The following CDH26 variants were observed in gnomAD, a reference collection of about 807,000 sequenced individuals.
CDH26 encodes cadherin 26, also known as cadherin-like protein 26.
A neutral mutation model predicts 90.3 loss-of-function variants in CDH26; 83 were observed. The observed-to-expected ratio is 0.92, with a 90% confidence interval of 0.77 to 1.10. The LOEUF (loss-of-function observed/expected upper bound fraction) is 1.10. Among genes scored for constraint, CDH26 ranks in the 50% least tolerant of loss-of-function variants. The probability of loss-of-function intolerance (pLI) is 0.00; values close to 1 mark genes in which losing one functional copy is unlikely to be tolerated. For missense variants in CDH26, 1,013 were observed against 1,037.6 expected, an observed-to-expected ratio of 0.98 and a Z score of 0.33; for synonymous variants, 397 against 396.3, an observed-to-expected ratio of 1.00 and a Z score of -0.02.
In CDH26 at chr20:59,967,861, CTT is replaced by C. The variant is rs1206721737; in HGVS notation, c.70-1104_70-1103del. On this transcript the variant is annotated intron_variant, in intron 1 of 17. Coordinates refer to ENST00000348616, the MANE Select transcript of CDH26 (RefSeq NM_177980.4). ...TCTTTCTTTCTTTCTTTCTTTCTTT[CTT>C]TCTTTCTTTCTTTCTTCCTTCCTTC... Among the ~76,000 whole-genome samples the C allele has an allele frequency of 2.6e-4, 28 of 108,180 alleles. 1 individual carries two copies. The highest frequency in any genetic ancestry group is 1.4e-3 in the African/African-American group (28 of 19,990). 71.0% of individuals were successfully genotyped at this position (108,180 alleles called of 152,430 possible). A position where few individuals can be genotyped will look rare whatever the true frequency, so the allele number is the denominator to read the frequency against.
chr20:60,021,897 C>CACACACACACATATAT (rs1295572684), intron 7 of CDH26, among the ~76,000 whole-genome samples: 1 of 78,938 alleles, frequency 1.3e-5, no homozygotes, highest in Non-Finnish European at 3.0e-5. Flanking sequence ...CACACACACA[C>CACACACACACATATAT]ATATATATAT....
At position 59,996,016 on chromosome 20, in the gene CDH26, C is replaced by A. The variant is rs2061591907; in HGVS notation, c.1850C>A (p.Ala617Asp). 1.2e-6 allele frequency: 2 copies of A among 1,613,872 alleles called. No homozygotes were observed. Among genetic ancestry groups the A allele is most frequent in the Admixed American group, 3.3e-5 (2 of 60,024 alleles). The change falls in exon 12 of 18, where the codon GCC (alanine) becomes GAC (aspartate). Residue 617 changes from alanine (A) to aspartate (D), a missense_variant. Physicochemically the swap from Ala to Asp is moderately radical, Grantham distance 126. Transcript: ENST00000348616. ...ADAEVGLHVG[A>D]LFPVCAAFVA... is the part of the protein sequence containing the mutation. ...GCAGAAGTGGGGCTTCATGTGGGGG[C>A]CCTGTTCCCTGTCTGTGCAGCATTT...
rs1569024350 is a variant in CDH26 at position 59,967,884 on chromosome 20, C to CTCTCT, written c.70-1083_70-1082insTCTCT. The stretch of plus-strand genomic sequence containing the variant: ...TTCTTTCTTTCTTTCTTTCTTCCTT[C>CTCTCT]CTTCCTTCCTTCCTTCCTTCCTTCC... On this transcript the variant is annotated intron_variant, in intron 1 of 17. Transcript: ENST00000348616. Among the ~76,000 whole-genome samples the CTCTCT allele has an allele frequency of 5.0e-4, 52 of 103,052 alleles. 1 individual carries two copies. Among genetic ancestry groups the CTCTCT allele is most frequent in the African/African-American group, 2.8e-3 (50 of 17,988 alleles). The allele number at this position is 103,052 out of a possible 152,430, so 67.6% of individuals were successfully genotyped here. A position where few individuals can be genotyped will look rare whatever the true frequency, so the allele number is the denominator to read the frequency against.
Position 59,995,817 on chromosome 20 carries a change from C to CT in CDH26, c.1667-11dup. Reference sequence around the variant, plus strand: ...TGAGTGAGTCAATGCATGCCATGTTCTTTTTCCCTTTGCAGGTCAATCAGT... The same window carrying CT: ...TGAGTGAGTCAATGCATGCCATGTTCTTTTTTCCCTTTGCAGGTCAATCAGT... On this transcript the variant is annotated splice_polypyrimidine_tract_variant and intron_variant, in intron 11 of 17. Transcript: ENST00000348616. 6.2e-7 allele frequency: 1 copy of CT among 1,611,264 alleles called. No homozygotes were observed. The highest frequency in any genetic ancestry group is 8.5e-7 in the Non-Finnish European group (1 of 1,177,356).
At chr20:59,994,871 G>A (rs2061572903) in intron 11 of CDH26, among the ~76,000 whole-genome samples, 1 of 152,164 alleles carries the variant, frequency 6.6e-6, no homozygotes, top group African/African-American at 2.4e-5. Flanking sequence ...TGATTGGCTG[G>A]TTCCCAGCCC....
chr20:59,971,906 C>G, intron 3 of CDH26, 56 bp from the exon 4 acceptor site: 1 of 1,416,288 alleles, frequency 7.1e-7, no homozygotes, highest in Non-Finnish European at 9.8e-7. Context: ...ACTTGATTAT[C>G]ATAGTGGCTT....
intron 1 of CDH26, among the ~76,000 whole-genome samples, chr20:59,965,473 C>T (rs2061136478): frequency 6.6e-6 from 1 of 152,192 alleles, no homozygotes; most frequent in Non-Finnish European, 1.5e-5. Context: ...AAAAATAGCA[C>T]ATATTTTGGA....
intron 16 of CDH26, 53 bp downstream of exon 16, chr20:60,002,919 TA>T: frequency 7.4e-7 from 1 of 1,347,952 alleles, no homozygotes; most frequent in South Asian, 1.6e-5. Flanking sequence ...TTGTTCTGCC[TA>T]AAAGCTGTGC....
At chr20:60,012,265 G>A (rs1423364468) in intron 17 of CDH26, among the ~76,000 whole-genome samples, 1 of 152,064 alleles carries the variant, frequency 6.6e-6, no homozygotes, top group Non-Finnish European at 1.5e-5. Context: ...GGGAGCAGGT[G>A]GGAGGTCCTC....
intron 1 of CDH26, among the ~76,000 whole-genome samples, chr20:59,959,762 G>T (rs2061043956): frequency 6.6e-6 from 1 of 152,156 alleles, no homozygotes; most frequent in Non-Finnish European, 1.5e-5. Flanking sequence ...CAGTTGTCTG[G>T]ATCCAAGGCA....
intron 16 of CDH26, among the ~76,000 whole-genome samples, chr20:60,004,589 AC>A: frequency 6.6e-6 from 1 of 152,040 alleles, no homozygotes; most frequent in Non-Finnish European, 1.5e-5. Flanking sequence ...ACATGGTGAA[AC>A]CCTGTCTTTA....
At chr20:60,016,515 G>A (rs539569832), downstream of CDH26, among the ~76,000 whole-genome samples, 5 of 152,212 alleles carry the variant, frequency 3.3e-5, no homozygotes, top group African/African-American at 4.8e-5. Flanking sequence ...GTTTTTGGTA[G>A]CATCTTTAGG....
In CDH26 at chr20:59,965,287, G is replaced by A. The variant is rs568583890; in HGVS notation, c.70-3680G>A. ...AGGATAAATAATGATAGATTCTGAC[G>A]CGGACGAGCCAACCAGAGTGGAGGC... is the stretch of plus-strand genomic sequence containing the variant. On this transcript the variant is annotated intron_variant, in intron 1 of 17. Transcript: ENST00000348616. 2.4e-4 allele frequency among the ~76,000 whole-genome samples: 37 copies of A among 152,112 alleles called. 1 individual carries two copies. The highest frequency in any genetic ancestry group is 3.2e-3 in the Middle Eastern group (1 of 316).
At position 59,995,928 on chromosome 20, in the gene CDH26, C is replaced by G; in HGVS notation, c.1762C>G (p.Gln588Glu). 1 of 1,614,240 alleles carries G rather than the reference C, an allele frequency of 6.2e-7. No individual in the cohort carries two copies. The highest frequency in any genetic ancestry group is 1.7e-5 in the Admixed American group (1 of 60,036). ...IGDKQGLSQK[Q>E]TVHVRICPCA... Reference sequence around the variant, plus strand: ...AGACAAACAGGGACTTTCCCAGAAGCAAACTGTCCATGTAAGGATCTGCCC... The same window carrying G: ...AGACAAACAGGGACTTTCCCAGAAGGAAACTGTCCATGTAAGGATCTGCCC... Residue 588 changes from glutamine (Q) to glutamate (E), a missense_variant, in exon 12 of 18, where the codon CAA (glutamine) becomes GAA (glutamate). By Grantham distance (29) the Gln-to-Glu change is conservative. Coordinates refer to ENST00000348616, the MANE Select transcript of CDH26 (RefSeq NM_177980.4).
chr20:60,017,871 T>G (rs1308085682), downstream of CDH26, among the ~76,000 whole-genome samples: 1 of 152,074 alleles, frequency 6.6e-6, no homozygotes, highest in Non-Finnish European at 1.5e-5. Context: ...CACTCCTTGG[T>G]CATCAGGAGC....
At chr20:59,980,905 C>T (rs2061387817) in intron 4 of CDH26, among the ~76,000 whole-genome samples, 1 of 151,822 alleles carries the variant, frequency 6.6e-6, no homozygotes, top group Non-Finnish European at 1.5e-5. Context: ...GTCTGTGATC[C>T]ATTTTGAATT....
intron 1 of CDH26, 84 bp from the exon 2 acceptor site, chr20:59,968,883 T>G: frequency 1.6e-6 from 1 of 638,022 alleles, no homozygotes; most frequent in Admixed American, 2.7e-5. Context: ...CATTTCTAAT[T>G]CTAGATTTGT....
intron 17 of CDH26, among the ~76,000 whole-genome samples, chr20:60,009,080 G>C (rs2061793787): frequency 6.6e-6 from 1 of 152,208 alleles, no homozygotes. Context: ...ACTGGTGCAT[G>C]ACACAGGGGT....
At chr20:60,033,917 C>A in exon 9 of CDH26, 1 of 302,736 alleles carries the variant, frequency 3.3e-6, no homozygotes, top group Non-Finnish European at 5.2e-6. Flanking sequence ...ACTGCTTATC[C>A]AATATGCATG....
Sources: allele counts gnomAD v4.1 joint callset (sites outside exome capture counted in the v4.1 genomes callset), GRCh38; gene constraint gnomAD v4.1.1; transcripts MANE v1.5; gene names NCBI Gene and HGNC (gene_info 2026-07-23, HGNC 2026-07-21).